ENOX1: variants seen among roughly 807,000 people sequenced by gnomAD.
The protein encoded by ENOX1 is candidate growth-related and time keeping constitutive hydroquinone (NADH) oxidase.
ENOX1 carries 42 observed loss-of-function variants against 82.5 expected under a neutral mutation model. The ratio of observed to expected loss-of-function variants is 0.51; its 90% CI spans 0.40 to 0.66. The LOEUF (loss-of-function observed/expected upper bound fraction) is 0.66. Among genes scored for constraint, ENOX1 ranks in the 30% least tolerant of loss-of-function variants. ENOX1 has a pLI of 0.00. For synonymous variants in ENOX1, 271 were observed against 282.2 expected (o/e 0.96, Z 0.40); for missense variants, 608 against 811.6 (o/e 0.75, Z 3.05).
At chr13:43,725,868 G>C (rs1230254909) in intron 1 of ENOX1, among the ~76,000 whole-genome samples, 1 of 151,662 alleles carries the variant, frequency 6.6e-6, no homozygotes, top group Non-Finnish European at 1.5e-5. Flanking sequence ...TCAGGAGGCT[G>C]AGACAGGAGG....
chr13:43,563,066 C>T (rs900405361), intron 2 of ENOX1, among the ~76,000 whole-genome samples: 1 of 152,056 alleles, frequency 6.6e-6, no homozygotes, highest in Non-Finnish European at 1.5e-5. Context: ...ACGTTTTGTC[C>T]AATGGCTGCA....
At chr13:43,656,974 C>A (rs2084465648) in intron 2 of ENOX1, among the ~76,000 whole-genome samples, 1 of 152,164 alleles carries the variant, frequency 6.6e-6, no homozygotes, top group South Asian at 2.1e-4. Flanking sequence ...AAAAATGAAG[C>A]TTGCTATCTT....
chr13:43,525,997 T>C (rs1474858825), intron 2 of ENOX1, among the ~76,000 whole-genome samples: 2 of 152,178 alleles, frequency 1.3e-5, no homozygotes, highest in Non-Finnish European at 2.9e-5. Flanking sequence ...CATAACGGTT[T>C]CTACTTTGGA....
chr13:43,780,575 T>G (rs1378708909), intron 1 of ENOX1, among the ~76,000 whole-genome samples: 1 of 152,106 alleles, frequency 6.6e-6, no homozygotes, highest in African/African-American at 2.4e-5. Context: ...GAACTGGAGG[T>G]ATGAAAGACT....
chr13:43,262,761 A>G (rs953534451), intron 14 of ENOX1, among the ~76,000 whole-genome samples: 1 of 152,142 alleles, frequency 6.6e-6, no homozygotes, highest in Non-Finnish European at 1.5e-5. Context: ...ACAGACATGA[A>G]CCTCCACACC....
chr13:43,580,133 A>G (rs1177136142), intron 2 of ENOX1, among the ~76,000 whole-genome samples: 1 of 152,246 alleles, frequency 6.6e-6, no homozygotes, highest in Non-Finnish European at 1.5e-5. Context: ...GTACATCATC[A>G]GAACATTATC....
chr13:43,608,969 C>G (rs1185454967), intron 2 of ENOX1, among the ~76,000 whole-genome samples: 1 of 152,190 alleles, frequency 6.6e-6, no homozygotes. Context: ...CTGGCATCAC[C>G]CCTTCTAAGC....
chr13:43,430,448 C>A (rs2055585694), intron 3 of ENOX1, among the ~76,000 whole-genome samples: 1 of 152,178 alleles, frequency 6.6e-6, no homozygotes, highest in African/African-American at 2.4e-5. Context: ...TATTTCCATT[C>A]ATAATTTCTT....
chr13:43,409,066 G>T (rs1203376684), intron 5 of ENOX1, among the ~76,000 whole-genome samples: 1 of 148,670 alleles, frequency 6.7e-6, no homozygotes, highest in Non-Finnish European at 1.5e-5. Context: ...AAATTACCAG[G>T]AACCCTATTT....
chr13:43,335,257 CTCCCCAGGTA>C (rs2153537320), intron 9 of ENOX1, among the ~76,000 whole-genome samples: 1 of 152,318 alleles, frequency 6.6e-6, no homozygotes, highest in Non-Finnish European at 1.5e-5. Context: ...TTCCATGATT[CTCCCCAGGTA>C]CAATTTTCTT....
chr13:43,582,166 T>C (rs1341532288), intron 2 of ENOX1, among the ~76,000 whole-genome samples: 1 of 152,106 alleles, frequency 6.6e-6, no homozygotes, highest in Non-Finnish European at 1.5e-5. Context: ...ATATGTCTTA[T>C]CTTCTGAAAA....
At chr13:43,675,515 T>C (rs2085467658) in intron 1 of ENOX1, among the ~76,000 whole-genome samples, 2 of 152,198 alleles carry the variant, frequency 1.3e-5, no homozygotes, top group Non-Finnish European at 2.9e-5. Flanking sequence ...CACACACATA[T>C]ATGCATATAT....
intron 2 of ENOX1, among the ~76,000 whole-genome samples, chr13:43,540,324 G>C (rs1016494116): frequency 5.9e-5 from 9 of 152,124 alleles, no homozygotes; most frequent in African/African-American, 2.2e-4. Context: ...ATTTGTACAA[G>C]TGCTTTGAAA....
At chr13:43,214,983 T>C (rs1161241173) in intron 16 of ENOX1, among the ~76,000 whole-genome samples, 1 of 152,198 alleles carries the variant, frequency 6.6e-6, no homozygotes, top group Admixed American at 6.5e-5. Flanking sequence ...ACAGAGATAA[T>C]TAGTCTCTTT....
At chr13:43,515,575 T>C (rs934100419) in intron 2 of ENOX1, among the ~76,000 whole-genome samples, 1 of 152,174 alleles carries the variant, frequency 6.6e-6, no homozygotes, top group Middle Eastern at 3.2e-3. Context: ...AGTATTACAA[T>C]ACTCATGTTA....
intron 3 of ENOX1, among the ~76,000 whole-genome samples, chr13:43,482,353 T>A (rs2058538983): frequency 6.6e-6 from 1 of 152,160 alleles, no homozygotes; most frequent in Non-Finnish European, 1.5e-5. Context: ...ACTAAGGTCA[T>A]TATGCTAAGT....
intron 14 of ENOX1, among the ~76,000 whole-genome samples, chr13:43,253,828 C>T (rs1254765696): frequency 6.6e-6 from 1 of 152,106 alleles, no homozygotes; most frequent in African/African-American, 2.4e-5. Flanking sequence ...TTTTGGGCTC[C>T]CGACTCTTTC....
At chr13:43,470,319 C>CACGT (rs1555289902) in intron 3 of ENOX1, among the ~76,000 whole-genome samples, 5 of 37,526 alleles carry the variant, frequency 1.3e-4, no homozygotes, top group Non-Finnish European at 2.1e-4. Context: ...TATATATACA[C>CACGT]ATATATATAT....
intron 5 of ENOX1, among the ~76,000 whole-genome samples, chr13:43,361,957 C>T (rs1826135325): frequency 6.8e-6 from 1 of 146,084 alleles, no homozygotes; most frequent in Admixed American, 6.9e-5. Context: ...CAGGTCCCAC[C>T]TAACCTATTT....
Sources: allele counts gnomAD v4.1 joint callset (sites outside exome capture counted in the v4.1 genomes callset), GRCh38; gene constraint gnomAD v4.1.1; transcripts MANE v1.5; gene names NCBI Gene and HGNC (gene_info 2026-07-23, HGNC 2026-07-21).